Variants in MMRN2 observed in about 807,000 individuals in gnomAD.
MMRN2 encodes the protein multimerin-2.
A neutral mutation model predicts 68.8 loss-of-function variants in MMRN2; 53 were observed. That is an observed-to-expected ratio of 0.77 (90% CI 0.62 to 0.97). The LOEUF (loss-of-function observed/expected upper bound fraction) is 0.97, where lower values mean the gene tolerates loss of function less well. Among genes scored for constraint, MMRN2 ranks in the 50% least tolerant of loss-of-function variants. The pLI is 0.00. For synonymous variants in MMRN2, 564 were observed against 551.6 expected (o/e 1.02, Z -0.32); for missense variants, 1,266 against 1,259.5 (o/e 1.01, Z -0.08).
Position 86,943,524 on chromosome 10 carries a change from G to T in MMRN2, c.1260C>A (p.Asp420Glu), listed in dbSNP as rs756847926. 1.2e-6 allele frequency: 2 copies of T among 1,614,100 alleles called. No individual in the cohort carries two copies. The highest frequency in any genetic ancestry group is 2.7e-5 in the African/African-American group (2 of 74,930). The change falls in exon 6 of 7, where the codon GAC becomes GAA. Residue 420 changes from aspartate (D) to glutamate (E), a missense_variant. By Grantham distance (45) the Asp-to-Glu change is conservative. Transcript: ENST00000372027. The surrounding 1 kb of genome is among the most constrained non-coding windows in gnomAD (Gnocchi z 4.2). ...CCTTGCTAATCTGATCGAAAGTCTCGTCCGATTCGGAGTACAGTTCCTTGA... is the reference window on the plus strand; with the variant it reads ...CCTTGCTAATCTGATCGAAAGTCTCTTCCGATTCGGAGTACAGTTCCTTGA... ...DEIKELYSES[D>E]ETFDQISKVE... is the part of the protein sequence containing the mutation.
chr10:86,941,670 T>G (rs1041311253), intron 6 of MMRN2, among the ~76,000 whole-genome samples: 1 of 151,756 alleles, frequency 6.6e-6, no homozygotes, highest in Non-Finnish European at 1.5e-5. Flanking sequence ...TGGTGACACA[T>G]GCCTGTAAGT....
Position 86,942,946 on chromosome 10 carries a change from AGC to A in MMRN2, c.1836_1837del (p.Phe614ArgfsTer10). The A allele has an allele frequency of 6.7e-7, 1 of 1,500,388 alleles. No individual in the cohort carries two copies. Among genetic ancestry groups the A allele is most frequent in the Non-Finnish European group, 8.9e-7 (1 of 1,126,070 alleles). The allele number at this position is 1,500,388 out of a possible 1,614,324, so 92.9% of individuals were successfully genotyped here. On this transcript the variant is annotated frameshift_variant, in exon 6 of 7. Transcript: ENST00000372027. LOFTEE classifies it high-confidence loss of function. ...CTCCTCCAGCACCTCCTCCCCGAAG[AGC>A]GCGGCCAGCACCGCCTCGTGCCGCA...
chr10:86,947,828 T>A (rs1008303597), intron 1 of MMRN2, among the ~76,000 whole-genome samples: 22 of 152,204 alleles, frequency 1.4e-4, no homozygotes, highest in Non-Finnish European at 5.9e-5. Flanking sequence ...CAGAAGATCC[T>A]ATGACAAAAT....
At chr10:86,947,757 GCCC>G (rs1272431655) in intron 1 of MMRN2, among the ~76,000 whole-genome samples, 3 of 152,080 alleles carry the variant, frequency 2.0e-5, no homozygotes, top group African/African-American at 7.2e-5. Flanking sequence ...AAATAAGCCA[GCCC>G]GAGAGGAAAA....
intron 1 of MMRN2, among the ~76,000 whole-genome samples, chr10:86,953,192 T>C (rs1028713680): frequency 6.6e-6 from 1 of 152,138 alleles, no homozygotes; most frequent in Non-Finnish European, 1.5e-5. Flanking sequence ...ATTTGTACAG[T>C]TAACGCAAAA....
intron 1 of MMRN2, among the ~76,000 whole-genome samples, chr10:86,955,554 G>A (rs569822624): frequency 6.6e-6 from 1 of 152,330 alleles, no homozygotes; most frequent in Admixed American, 6.5e-5. Context: ...GCCTGGCCCT[G>A]GCAGCCGAGC....
In MMRN2 at chr10:86,942,613, GCGGCCC is replaced by G. The variant is rs766938013; in HGVS notation, c.2165_2170del (p.Gly722_Ala723del). On this transcript the variant is annotated inframe_deletion, in exon 6 of 7. Coordinates refer to ENST00000372027, the MANE Select transcript of MMRN2 (RefSeq NM_024756.3). The stretch of plus-strand genomic sequence containing the variant: ...GCCGTGAAGGGAGGCGTTGAGGGAG[GCGGCCC>G]CGGCCCCGGCCTCGGCCTCGCAGCA... 2 of 1,605,968 alleles carry G rather than the reference GCGGCCC, an allele frequency of 1.2e-6. No homozygotes were observed. The highest frequency in any genetic ancestry group is 2.2e-5 in the East Asian group (1 of 44,856).
intron 1 of MMRN2, chr10:86,949,227 C>T (rs554160110): frequency 6.6e-6 from 1 of 152,246 alleles, no homozygotes; most frequent in African/African-American, 2.4e-5. Flanking sequence ...ATTCAAAATA[C>T]TGAAGAAAAA....
At chr10:86,949,676 G>C (rs967619693) in intron 1 of MMRN2, 2 of 151,842 alleles carry the variant, frequency 1.3e-5, no homozygotes, top group Admixed American at 6.6e-5. Flanking sequence ...AGGGGTTCCA[G>C]ACCAGCCTGG....
At chr10:86,937,259 C>G in intron 6 of MMRN2, 134 bp from the exon 7 acceptor site, 1 of 957,546 alleles carries the variant, frequency 1.0e-6, no homozygotes, top group Non-Finnish European at 1.5e-6. Context: ...CTAGATATTC[C>G]CAACAGCAGT....
rs1844024505 is a variant in MMRN2, at chr10:86,943,936, C to T, written c.848G>A (p.Arg283Lys). 2 of 1,614,138 alleles carry T rather than the reference C, an allele frequency of 1.2e-6. No homozygotes were observed. Among genetic ancestry groups the T allele is most frequent in the Non-Finnish European group, 1.7e-6 (2 of 1,180,024 alleles). Residue 283 changes from arginine (R) to lysine (K), a missense_variant, in exon 6 of 7, where the codon AGG becomes AAG. Arg to Lys is a conservative substitution (Grantham distance 26, BLOSUM62 2). Transcript: ENST00000372027. The surrounding 1 kb of genome is among the most constrained non-coding windows in gnomAD (Gnocchi z 4.2). ...ISRVQDSAVA[R>K]ADFQELGAKF... ...GGCACCAAGCTCCTGGAAGTCAGCCCTGGCCACGGCACTGTCCTGGACTCT... is the reference window on the plus strand; with the variant it reads ...GGCACCAAGCTCCTGGAAGTCAGCCTTGGCCACGGCACTGTCCTGGACTCT...
At position 86,944,075 on chromosome 10, in the gene MMRN2, G is replaced by A; in HGVS notation, c.709C>T (p.Leu237=). ...CAGATGGGGCTGAAATGCACTTGTA[G>A]GAAGGTGTCCACGTGGGGTAGCAGC... The part of the protein sequence containing the change: ...QVLLPHVDTF[L]QVHFSPIWRS... The change falls in exon 6 of 7, where the codon CTA becomes TTA. Residue 237 remains leucine, a synonymous_variant. Transcript: ENST00000372027. 6.2e-7 allele frequency: 1 copy of A among 1,614,108 alleles called. No individual in the cohort carries two copies. Among genetic ancestry groups the A allele is most frequent in the African/African-American group, 1.3e-5 (1 of 75,030 alleles).
intron 4 of MMRN2, 45 bp from the exon 5 acceptor site, chr10:86,944,480 C>T (rs1458145415): frequency 6.2e-7 from 1 of 1,600,102 alleles, no homozygotes; most frequent in East Asian, 2.2e-5. Context: ...ACTCACCAGG[C>T]CTGGGAAGAT....
chr10:86,942,977 C>T lies in MMRN2; in HGVS notation c.1807G>A (p.Ala603Thr). The change falls in exon 6 of 7, where the codon GCG becomes ACG. Residue 603 changes from alanine (A) to threonine (T), a missense_variant. Coordinates refer to ENST00000372027, the MANE Select transcript of MMRN2 (RefSeq NM_024756.3). ...HSAFAALLED[A>T]LRHEAVLAAL... ...GCCAGCACCGCCTCGTGCCGCAGCG[C>T]GTCCTCCAGCAGGGCGGCGAAGGCG... 6.7e-7 allele frequency: 1 copy of T among 1,483,638 alleles called. No individual in the cohort carries two copies. Among genetic ancestry groups the T allele is most frequent in the Non-Finnish European group, 8.9e-7 (1 of 1,117,940 alleles). 91.9% of individuals were successfully genotyped at this position (1,483,638 alleles called of 1,614,324 possible).
intron 6 of MMRN2, among the ~76,000 whole-genome samples, chr10:86,939,529 G>A (rs367816673): frequency 6.8e-6 from 1 of 146,226 alleles, no homozygotes. Flanking sequence ...GGCTGCCTCT[G>A]CAATTCCCCT....
At chr10:86,951,674 G>A (rs1844145703) in intron 1 of MMRN2, among the ~76,000 whole-genome samples, 1 of 151,900 alleles carries the variant, frequency 6.6e-6, no homozygotes, top group Non-Finnish European at 1.5e-5. Flanking sequence ...CCCTGCCTAT[G>A]AGTATATATA....
At position 86,943,979 on chromosome 10, in the gene MMRN2, T is replaced by C. The variant is rs765178051; in HGVS notation, c.805A>G (p.Asn269Asp). The C allele has an allele frequency of 1.9e-6, 3 of 1,614,006 alleles. No homozygotes were observed. The highest frequency in any genetic ancestry group is 1.3e-5 in the African/African-American group (1 of 74,932). ...IRNLSLDVEA[N>D]RQAISRVQDS... ...TGGACTCTGGAGATGGCCTGGCGGT[T>C]GGCCTCCACGTCAAGAGACAGGTTT... Residue 269 changes from asparagine to aspartate, a missense_variant, in exon 6 of 7, where the codon AAC becomes GAC. Transcript: ENST00000372027. This position sits in a 1 kb window ranked among gnomAD's most constrained non-coding sequence, Gnocchi z 4.2.
At chr10:86,946,895 G>GC (rs778618247) in intron 1 of MMRN2, among the ~76,000 whole-genome samples, 11 of 152,188 alleles carry the variant, frequency 7.2e-5, no homozygotes, top group Non-Finnish European at 1.3e-4. Flanking sequence ...AGGAGAAGGA[G>GC]CTAATGGGGC....
Position 86,937,452 on chromosome 10 carries a change from C to CTT in MMRN2, c.2468-329_2468-328dup, listed in dbSNP as rs34239768. Among the ~76,000 whole-genome samples, 117 of 146,572 alleles carry CTT rather than the reference C, an allele frequency of 8.0e-4. 1 individual carries two copies. Among genetic ancestry groups the CTT allele is most frequent in the East Asian group, 3.2e-3 (16 of 4,962 alleles). On this transcript the variant is annotated intron_variant, in intron 6 of 6. Coordinates refer to ENST00000372027, the MANE Select transcript of MMRN2 (RefSeq NM_024756.3). ...GCAGTGGTCATGACTCACTGCAGCC[C>CTT]TTTTTTTTTTTTAACGTAGAGATGG...
Sources: gnomAD v4.1 joint callset for allele counts (sites outside exome capture counted in the v4.1 genomes callset) on GRCh38, gnomAD v4.1.1 for gene constraint, Gnocchi (gnomAD v3.1) non-coding constraint, MANE v1.5 for transcripts, NCBI Gene and HGNC (gene_info 2026-07-23, HGNC 2026-07-21) for gene names.